GPC6: variants seen among roughly 807,000 people sequenced by gnomAD.
GPC6 encodes glypican-6.
GPC6 carries 14 observed loss-of-function variants against 55.2 expected under a neutral mutation model. That is an observed-to-expected ratio of 0.25 (90% CI 0.17 to 0.40). The LOEUF (loss-of-function observed/expected upper bound fraction) is 0.40. Ranked by LOEUF, GPC6 falls within the 10% of genes least tolerant of loss-of-function variation. The pLI is 1.00. For missense variants in GPC6, 641 were observed against 708.5 expected (o/e 0.90, Z 1.08); for synonymous variants, 278 against 259.6 (o/e 1.07, Z -0.68).
the GPC6 span, among the ~76,000 whole-genome samples, chr13:93,218,064 C>T: frequency 7.9e-5 from 12 of 151,682 alleles, 1 homozygote; most frequent in African/African-American, 2.9e-4. Flanking sequence ...TCAGACACCT[C>T]CCTGGAAACA....
intron 4 of GPC6, among the ~76,000 whole-genome samples, chr13:94,258,570 T>G (rs967797169): frequency 3.3e-5 from 5 of 152,220 alleles, no homozygotes; most frequent in African/African-American, 1.2e-4. Flanking sequence ...AGCATACTCT[T>G]CTTGCCTCTT....
At chr13:94,373,540 G>T (rs1024788489) in intron 6 of GPC6, among the ~76,000 whole-genome samples, 5 of 152,174 alleles carry the variant, frequency 3.3e-5, no homozygotes, top group African/African-American at 7.2e-5. Flanking sequence ...AATGATCAAA[G>T]CCTCCAAGAA....
At chr13:93,232,881 T>A (rs1339222470) in intron 1 of GPC6, among the ~76,000 whole-genome samples, 2 of 152,136 alleles carry the variant, frequency 1.3e-5, no homozygotes, top group Admixed American at 1.3e-4. Flanking sequence ...TTAAAAATGA[T>A]TTTAATCTTT....
intron 4 of GPC6, among the ~76,000 whole-genome samples, chr13:94,281,121 T>A (rs900007029): frequency 6.6e-6 from 1 of 152,186 alleles, no homozygotes; most frequent in African/African-American, 2.4e-5. Flanking sequence ...GTTGAGCTTA[T>A]TTGAATTGAG....
At chr13:93,929,506 T>C (rs1878045213) in intron 3 of GPC6, among the ~76,000 whole-genome samples, 1 of 152,204 alleles carries the variant, frequency 6.6e-6, no homozygotes, top group Non-Finnish European at 1.5e-5. Flanking sequence ...CCTGACAATA[T>C]ACCAATTATG....
chr13:94,347,297 GAA>G (rs1158418914), intron 6 of GPC6, among the ~76,000 whole-genome samples: 47 of 152,066 alleles, frequency 3.1e-4, no homozygotes, highest in African/African-American at 1.1e-3. Context: ...TTTTTGATTG[GAA>G]ATAAATTAAG....
chr13:94,279,083 G>A (rs754624871), intron 4 of GPC6, among the ~76,000 whole-genome samples: 1 of 152,024 alleles, frequency 6.6e-6, no homozygotes. Context: ...TTTTTGGTTG[G>A]TAGGCTATTA....
At chr13:94,000,071 A>G (rs1172935198) in intron 3 of GPC6, among the ~76,000 whole-genome samples, 1 of 152,096 alleles carries the variant, frequency 6.6e-6, no homozygotes, top group Non-Finnish European at 1.5e-5. Context: ...TGGATATTTT[A>G]TACTTCCCTG....
At chr13:94,224,256 A>AATATATATATATAT (rs59631105) in intron 4 of GPC6, among the ~76,000 whole-genome samples, 22 of 143,966 alleles carry the variant, frequency 1.5e-4, no homozygotes, top group African/African-American at 3.5e-4. Flanking sequence ...ATCATCTTTA[A>AATATATATATATAT]ATATATATAT....
intron 4 of GPC6, among the ~76,000 whole-genome samples, chr13:94,115,253 G>A (rs1886395766): frequency 6.6e-6 from 1 of 152,010 alleles, no homozygotes; most frequent in African/African-American, 2.4e-5. Flanking sequence ...TGTCCTCCAG[G>A]GGGCCATTTA....
At chr13:94,340,489 T>C (rs2139155360) in intron 6 of GPC6, among the ~76,000 whole-genome samples, 1 of 152,336 alleles carries the variant, frequency 6.6e-6, no homozygotes, top group Admixed American at 6.5e-5. Context: ...CACACAATTA[T>C]TTGGCCTTGG....
At chr13:93,535,268 A>G (rs1267923302) in intron 1 of GPC6, among the ~76,000 whole-genome samples, 1 of 152,172 alleles carries the variant, frequency 6.6e-6, no homozygotes. Context: ...CAAAAGTTAT[A>G]ACTTTGGAAT....
intron 4 of GPC6, among the ~76,000 whole-genome samples, chr13:94,269,226 T>C (rs1891914552): frequency 6.6e-6 from 1 of 152,176 alleles, no homozygotes; most frequent in Non-Finnish European, 1.5e-5. Flanking sequence ...TATATATATC[T>C]ATACCTTCAT....
intron 4 of GPC6, among the ~76,000 whole-genome samples, chr13:94,120,813 G>C (rs1886606407): frequency 6.6e-6 from 1 of 152,072 alleles, no homozygotes; most frequent in South Asian, 2.1e-4. Flanking sequence ...GTTCAGGAGA[G>C]CCAGTGAGTT....
intron 3 of GPC6, among the ~76,000 whole-genome samples, chr13:93,899,258 T>C (rs1018393735): frequency 6.6e-6 from 1 of 152,022 alleles, no homozygotes; most frequent in Admixed American, 6.6e-5. Context: ...GGAGCTTGCC[T>C]ACTGGTAGAC....
At chr13:93,423,612 T>C (rs1214980345) in intron 1 of GPC6, among the ~76,000 whole-genome samples, 2 of 152,178 alleles carry the variant, frequency 1.3e-5, no homozygotes, top group Admixed American at 1.3e-4. Context: ...TTATTGTAGT[T>C]GGACTTGATC....
intron 1 of GPC6, among the ~76,000 whole-genome samples, chr13:93,495,955 C>A (rs4329791): frequency 1.4e-5 from 2 of 147,574 alleles, no homozygotes; most frequent in African/African-American, 5.0e-5. Flanking sequence ...TTTAAGTCTG[C>A]AGAGGTTACT....
intron 2 of GPC6, among the ~76,000 whole-genome samples, chr13:93,776,603 A>G (rs892773044): frequency 5.6e-4 from 85 of 152,288 alleles, no homozygotes; most frequent in African/African-American, 2.0e-3. Flanking sequence ...AGAAAAAAAA[A>G]GAAAGAAAGA....
intron 4 of GPC6, among the ~76,000 whole-genome samples, chr13:94,132,129 T>C (rs955281537): frequency 6.6e-6 from 1 of 152,072 alleles, no homozygotes; most frequent in Non-Finnish European, 1.5e-5. Flanking sequence ...CATGATGGTT[T>C]TTCACGTAGG....
Sources: gnomAD v4.1 joint callset for allele counts (sites outside exome capture counted in the v4.1 genomes callset) on GRCh38, gnomAD v4.1.1 for gene constraint, MANE v1.5 for transcripts, NCBI Gene and HGNC (gene_info 2026-07-23, HGNC 2026-07-21) for gene names.